The following AMER3 variants were observed in gnomAD, a reference collection of about 807,000 sequenced individuals.
AMER3 encodes APC membrane recruitment protein 3.
For missense variants in AMER3, 1,201 were observed against 1,139.4 expected (o/e 1.05, Z -0.78); for synonymous variants, 541 against 485.5 (o/e 1.11, Z -1.50).
rs1245428509 is a variant in AMER3 at position 130,763,325 on chromosome 2, G to A, written c.1253G>A (p.Ser418Asn). ...PAATFPRDSY[S>N]GDALYELFHD... ...GCCACCTTCCCACGGGACAGCTACA[G>A]TGGGGACGCCCTCTACGAGCTCTTC... Residue 418 changes from serine to asparagine, a missense_variant, in exon 2 of 2, where the codon AGT becomes AAT. Coordinates refer to ENST00000321420, the MANE Select transcript of AMER3 (RefSeq NM_152698.3). 1 of 1,613,608 alleles carries A rather than the reference G, an allele frequency of 6.2e-7. No individual in the cohort carries two copies.
In AMER3 at chr2:130,763,408, G is replaced by A. The variant is rs371218284; in HGVS notation, c.1336G>A (p.Glu446Lys). ...PSPDDDLCVS[E>K]SLSGPALGTP... ...CCCAGATGATGACCTGTGCGTGTCT[G>A]AGAGTCTGTCAGGGCCGGCCCTGGG... The change falls in exon 2 of 2, where the codon GAG becomes AAG. Residue 446 changes from glutamate to lysine, a missense_variant. Glu to Lys is a moderately conservative substitution (Grantham distance 56). Transcript: ENST00000321420. The A allele has an allele frequency of 1.2e-5, 20 of 1,612,936 alleles. No individual in the cohort carries two copies. The highest frequency in any genetic ancestry group is 1.7e-5 in the Admixed American group (1 of 60,000).
chr2:130,756,991 C>T (rs751698988), intron 1 of AMER3, among the ~76,000 whole-genome samples: 29 of 152,150 alleles, frequency 1.9e-4, no homozygotes, highest in Non-Finnish European at 3.2e-4. Flanking sequence ...CTTTGTATCA[C>T]ACTGCTGTGA....
In AMER3 at chr2:130,757,869, A is replaced by T. The variant is rs532080187; in HGVS notation, c.-20+2195A>T. ...GCACATAGGCCGGGAGCGGTGGCTT[A>T]CGCCTGTAATCCTGGTACTTTGGGA... On this transcript the variant is annotated intron_variant, in intron 1 of 1. Transcript: ENST00000321420. Among the ~76,000 whole-genome samples, 1,295 of 152,348 alleles carry T rather than the reference A, an allele frequency of 8.5e-3. 13 individuals are homozygous for T. The highest frequency in any genetic ancestry group is 0.013 in the Non-Finnish European group (900 of 68,030).
At position 130,762,469 on chromosome 2, in the gene AMER3, G is replaced by T; in HGVS notation, c.397G>T (p.Val133Leu). Reference protein sequence around the residue: ...SRRMIDYRHFVPQMPFVPAVA... With the variant: ...SRRMIDYRHFLPQMPFVPAVA... ...GCGCATGATCGACTACCGCCACTTTGTGCCCCAGATGCCCTTTGTGCCAGC... is the reference window on the plus strand; with the variant it reads ...GCGCATGATCGACTACCGCCACTTTTTGCCCCAGATGCCCTTTGTGCCAGC... Residue 133 changes from valine to leucine, a missense_variant, in exon 2 of 2, where the codon GTG (valine) becomes TTG (leucine). By Grantham distance (32) the Val-to-Leu change is conservative (BLOSUM62 1). Transcript: ENST00000321420. The T allele has an allele frequency of 6.2e-7, 1 of 1,613,132 alleles. No individual in the cohort carries two copies. The highest frequency in any genetic ancestry group is 8.5e-7 in the Non-Finnish European group (1 of 1,179,998).
Position 130,763,358 on chromosome 2 carries a change from C to G in AMER3, c.1286C>G (p.Pro429Arg). Residue 429 changes from proline (P) to arginine (R), a missense_variant, in exon 2 of 2, where the codon CCC becomes CGC. Transcript: ENST00000321420. ...GDALYELFHDPSEGPLGPSPD... is the reference protein window; with the variant it reads ...GDALYELFHDRSEGPLGPSPD... ...GCCCTCTACGAGCTCTTCCACGACC[C>G]CAGCGAGGGTCCTCTTGGCCCCAGC... 1 of 1,613,326 alleles carries G rather than the reference C, an allele frequency of 6.2e-7. No individual in the cohort carries two copies. The highest frequency in any genetic ancestry group is 8.5e-7 in the Non-Finnish European group (1 of 1,180,010).
chr2:130,756,216 G>A (rs1574037702), intron 1 of AMER3: 1 of 147,888 alleles, frequency 6.8e-6, no homozygotes, highest in African/African-American at 2.4e-5. Context: ...GCCCGACCCC[G>A]CGGGGCCCCT....
chr2:130,756,824 C>T (rs1678625563), intron 1 of AMER3, among the ~76,000 whole-genome samples: 1 of 151,886 alleles, frequency 6.6e-6, no homozygotes, highest in South Asian at 2.1e-4. Context: ...CCACCCCCAC[C>T]CCAGAGCACG....
chr2:130,763,892 G>A lies in AMER3; in HGVS notation c.1820G>A (p.Gly607Asp). Residue 607 changes from glycine (G) to aspartate (D), a missense_variant, in exon 2 of 2, where the codon GGT (glycine) becomes GAT (aspartate). Gly to Asp is a moderately conservative substitution (Grantham distance 94). Coordinates refer to ENST00000321420, the MANE Select transcript of AMER3 (RefSeq NM_152698.3). ...GCCTCTCGAGAGGAAGAGACACGAG[G>A]TCACTCTGAAGGCTTGTTCTCCTCT... ...RDASREEETR[G>D]HSEGLFSSME... The A allele has an allele frequency of 6.2e-7, 1 of 1,613,590 alleles. No individual in the cohort carries two copies. The highest frequency in any genetic ancestry group is 8.5e-7 in the Non-Finnish European group (1 of 1,180,024).
At position 130,764,837 on chromosome 2, in the gene AMER3, C is replaced by G; in HGVS notation, c.*179C>G. The G allele has an allele frequency of 1.3e-6, 1 of 786,696 alleles. No individual in the cohort carries two copies. The highest frequency in any genetic ancestry group is 2.0e-6 in the Non-Finnish European group (1 of 499,814). 48.7% of individuals were successfully genotyped at this position (786,696 alleles called of 1,614,324 possible). ...GTGGAGGCATCCTTGCCTGAACCCA[C>G]CAGCTCAGGCAGCCCACCGCCAAAG... On this transcript the variant is annotated 3_prime_UTR_variant, in exon 2 of 2. Coordinates refer to ENST00000321420, the MANE Select transcript of AMER3 (RefSeq NM_152698.3).
chr2:130,755,890 G>A (rs1208161211), intron 1 of AMER3: 1 of 152,216 alleles, frequency 6.6e-6, no homozygotes, highest in South Asian at 2.1e-4. Flanking sequence ...TCTGGGCTGA[G>A]GGGGAGGGGC....
At chr2:130,760,799 G>A (rs1378348974) in intron 1 of AMER3, among the ~76,000 whole-genome samples, 3 of 152,090 alleles carry the variant, frequency 2.0e-5, no homozygotes, top group Non-Finnish European at 2.9e-5. Flanking sequence ...CACACCCCAA[G>A]GCAGCATGTT....
intron 1 of AMER3, among the ~76,000 whole-genome samples, chr2:130,757,071 C>G (rs1279169896): frequency 6.6e-6 from 1 of 152,012 alleles, no homozygotes; most frequent in African/African-American, 2.4e-5. Flanking sequence ...TGTCTCAAGG[C>G]GTTTCTGTGG....
chr2:130,764,236 T>C lies in AMER3; in HGVS notation c.2164T>C (p.Ser722Pro), dbSNP rs1484967199. The change falls in exon 2 of 2, where the codon TCC becomes CCC. Residue 722 changes from serine (S) to proline (P), a missense_variant. By Grantham distance (74) the Ser-to-Pro change is moderately conservative. Coordinates refer to ENST00000321420, the MANE Select transcript of AMER3 (RefSeq NM_152698.3). ...CCCTGACATGCTGGAGCAGAAACAG[T>C]CCAGCAGCTCCCCCAGCATGACCAC... ...RGPDMLEQKQ[S>P]SSSPSMTTIH... The C allele has an allele frequency of 1.2e-6, 2 of 1,610,080 alleles. No homozygotes were observed. The highest frequency in any genetic ancestry group is 1.1e-5 in the South Asian group (1 of 90,482).
rs929269709 is a variant in AMER3 at position 130,765,768 on chromosome 2, C to G, written c.*1110C>G. 4 of 167,054 alleles carry G rather than the reference C, an allele frequency of 2.4e-5. No homozygotes were observed. The highest frequency in any genetic ancestry group is 5.9e-5 in the Non-Finnish European group (4 of 68,142). 10.3% of individuals were successfully genotyped at this position (167,054 alleles called of 1,614,324 possible). Reference sequence around the variant, plus strand: ...TCTGAGAGAGAGACCAGTTTGCCTTCTTTATTTGTTCTCCCTGGGCCTCAG... The same window carrying G: ...TCTGAGAGAGAGACCAGTTTGCCTTGTTTATTTGTTCTCCCTGGGCCTCAG... On this transcript the variant is annotated 3_prime_UTR_variant, in exon 2 of 2. Transcript: ENST00000321420.
Position 130,764,867 on chromosome 2 carries a change from C to A in AMER3, c.*209C>A. The A allele has an allele frequency of 1.6e-6, 1 of 628,826 alleles. No individual in the cohort carries two copies. Among genetic ancestry groups the A allele is most frequent in the Non-Finnish European group, 2.7e-6 (1 of 364,798 alleles). 39.0% of individuals were successfully genotyped at this position (628,826 alleles called of 1,614,324 possible). On this transcript the variant is annotated 3_prime_UTR_variant, in exon 2 of 2. Coordinates refer to ENST00000321420, the MANE Select transcript of AMER3 (RefSeq NM_152698.3). ...TCAGGCAGCCCACCGCCAAAGACAG[C>A]GCGAAGCTGCAACCACCTAGCTGCT...
rs949105785 is a variant in AMER3, at chr2:130,762,553, C to T, written c.481C>T (p.Arg161Trp). 11 of 1,613,368 alleles carry T rather than the reference C, an allele frequency of 6.8e-6. No homozygotes were observed. Among genetic ancestry groups the T allele is most frequent in the South Asian group, 3.3e-5 (3 of 91,092 alleles). The change falls in exon 2 of 2, where the codon CGG (arginine) becomes TGG (tryptophan). Residue 161 changes from arginine to tryptophan, a missense_variant. Transcript: ENST00000321420. ...ISLKRPKKCF[R>W]NLFHIRRNKT... ...CCTGAAGAGGCCCAAGAAGTGCTTT[C>T]GGAACCTATTCCACATTCGGAGAAA...
Position 130,762,927 on chromosome 2 carries a change from G to C in AMER3, c.855G>C (p.Arg285Ser). 1 of 1,612,736 alleles carries C rather than the reference G, an allele frequency of 6.2e-7. No individual in the cohort carries two copies. The highest frequency in any genetic ancestry group is 8.5e-7 in the Non-Finnish European group (1 of 1,179,622). The change falls in exon 2 of 2, where the codon AGG (arginine) becomes AGC (serine). Residue 285 changes from arginine (R) to serine (S), a missense_variant. Coordinates refer to ENST00000321420, the MANE Select transcript of AMER3 (RefSeq NM_152698.3). ...AAQGLESKVPRGPLQGSVEQL... is the reference protein window; with the variant it reads ...AAQGLESKVPSGPLQGSVEQL... ...AGGGCCTGGAGAGCAAGGTTCCCAGGGGCCCTCTCCAGGGCAGTGTGGAGC... is the reference window on the plus strand; with the variant it reads ...AGGGCCTGGAGAGCAAGGTTCCCAGCGGCCCTCTCCAGGGCAGTGTGGAGC...
intron 1 of AMER3, among the ~76,000 whole-genome samples, chr2:130,756,063 T>A (rs1412078948): frequency 1.3e-5 from 2 of 151,546 alleles, no homozygotes; most frequent in Non-Finnish European, 2.9e-5. Flanking sequence ...CAAAGCCGGC[T>A]CGAGCGCGGC....
In AMER3 at chr2:130,764,018, G is replaced by A; in HGVS notation, c.1946G>A (p.Gly649Glu). Reference protein sequence around the residue: ...PCSQKEPGPPGVLGCFRGPWR... With the variant: ...PCSQKEPGPPEVLGCFRGPWR... ...TCCCAGAAGGAGCCTGGGCCACCAG[G>A]GGTCCTGGGGTGTTTCCGAGGCCCC... Residue 649 changes from glycine (G) to glutamate (E), a missense_variant, in exon 2 of 2, where the codon GGG (glycine) becomes GAG (glutamate). Physicochemically the swap from Gly to Glu is moderately conservative, Grantham distance 98 (BLOSUM62 -2). Coordinates refer to ENST00000321420, the MANE Select transcript of AMER3 (RefSeq NM_152698.3). 3 of 1,612,956 alleles carry A rather than the reference G, an allele frequency of 1.9e-6. No homozygotes were observed. Among genetic ancestry groups the A allele is most frequent in the South Asian group, 1.1e-5 (1 of 91,016 alleles).
Sources: gnomAD v4.1 joint callset for allele counts (sites outside exome capture counted in the v4.1 genomes callset) on GRCh38, gnomAD v4.1.1 for gene constraint, MANE v1.5 for transcripts, NCBI Gene and HGNC (gene_info 2026-07-23, HGNC 2026-07-21) for gene names.